KCNH1: variants seen among roughly 807,000 people sequenced by gnomAD.
KCNH1 encodes voltage-gated delayed rectifier potassium channel KCNH1.
KCNH1 carries 27 observed loss-of-function variants against 69.2 expected under a neutral mutation model. The observed-to-expected ratio is 0.39, with a 90% CI of 0.29 to 0.54. KCNH1 has a LOEUF of 0.54. Ranked by LOEUF, KCNH1 falls within the 20% of genes least tolerant of loss-of-function variation. The pLI is 0.68. For synonymous variants in KCNH1, 456 were observed against 487.7 expected (o/e 0.93, Z 0.86); for missense variants, 798 against 1,261.6 (o/e 0.63, Z 5.57).
intron 6 of KCNH1, among the ~76,000 whole-genome samples, chr1:211,015,981 G>T (rs1279051888): frequency 2.0e-5 from 3 of 152,180 alleles, no homozygotes; most frequent in African/African-American, 7.2e-5. Flanking sequence ...TATTATTTAT[G>T]ACCAACAGGT....
At position 210,922,397 on chromosome 1, in the gene KCNH1, A is replaced by AC. The variant is rs1267019030; in HGVS notation, c.1033-2329_1033-2328insG. ...AGACTCCGTCTCAAAAAAAAAAAAA[A>AC]AAAAAAAAAAAAAAAAAAAAAAAAC... On this transcript the variant is annotated intron_variant, in intron 6 of 10. Coordinates refer to ENST00000271751, the MANE Select transcript of KCNH1 (RefSeq NM_172362.3). Among the ~76,000 whole-genome samples, 14 of 17,308 alleles carry AC rather than the reference A, an allele frequency of 8.1e-4. 1 individual carries two copies. The highest frequency in any genetic ancestry group is 1.4e-3 in the African/African-American group (2 of 1,476). 11.4% of individuals were successfully genotyped at this position (17,308 alleles called of 152,430 possible).
intron 5 of KCNH1, among the ~76,000 whole-genome samples, chr1:211,029,440 TG>T (rs1218291937): frequency 6.0e-5 from 8 of 133,538 alleles, no homozygotes; most frequent in African/African-American, 1.1e-4. Flanking sequence ...AACAGGCTAA[TG>T]AAAAAAACAC....
At chr1:211,016,877 C>G (rs1023216947) in intron 6 of KCNH1, among the ~76,000 whole-genome samples, 1 of 128,464 alleles carries the variant, frequency 7.8e-6, no homozygotes, top group Non-Finnish European at 1.5e-5. Flanking sequence ...CCACGACATT[C>G]CAGCCTGGGT....
At chr1:210,890,783 G>C (rs1686732286) in intron 7 of KCNH1, among the ~76,000 whole-genome samples, 1 of 152,082 alleles carries the variant, frequency 6.6e-6, no homozygotes, top group Non-Finnish European at 1.5e-5. Context: ...ACAAACATAT[G>C]AAAGAAAAGT....
At chr1:210,866,795 G>T (rs1427351600) in intron 7 of KCNH1, among the ~76,000 whole-genome samples, 1 of 151,998 alleles carries the variant, frequency 6.6e-6, no homozygotes, top group Non-Finnish European at 1.5e-5. Context: ...ATGAAAACTT[G>T]TACATGAATG....
At chr1:210,965,219 C>T (rs1688376529) in intron 6 of KCNH1, among the ~76,000 whole-genome samples, 1 of 152,156 alleles carries the variant, frequency 6.6e-6, no homozygotes, top group Non-Finnish European at 1.5e-5. Context: ...TCCACCACTC[C>T]TATTCAACAT....
chr1:210,993,614 A>G lies in KCNH1; in HGVS notation c.1032+25169T>C, dbSNP rs577267755. Among the ~76,000 whole-genome samples, 8 of 152,368 alleles carry G rather than the reference A, an allele frequency of 5.3e-5. 1 individual carries two copies. The South Asian group carries it at 1.2e-3, about 24-fold the overall frequency. ...AATACATTTAACACTCATTCCCATGAAAAGTTTTAATACTCAAAACCGTTT... is the reference window on the plus strand; with the variant it reads ...AATACATTTAACACTCATTCCCATGGAAAGTTTTAATACTCAAAACCGTTT... On this transcript the variant is annotated intron_variant, in intron 6 of 10. Transcript: ENST00000271751.
At chr1:210,915,485 C>T (rs985376999) in intron 7 of KCNH1, among the ~76,000 whole-genome samples, 1 of 152,008 alleles carries the variant, frequency 6.6e-6, no homozygotes, top group African/African-American at 2.4e-5. Context: ...AAAATGAGTC[C>T]ACACACCATA....
chr1:210,981,204 C>T (rs528247933), intron 6 of KCNH1, among the ~76,000 whole-genome samples: 24 of 151,966 alleles, frequency 1.6e-4, no homozygotes, highest in Non-Finnish European at 2.5e-4. Context: ...GAAAAAGACA[C>T]GGAGTTTAAC....
At chr1:211,064,518 G>A (rs142738211) in intron 5 of KCNH1, among the ~76,000 whole-genome samples, 5 of 152,080 alleles carry the variant, frequency 3.3e-5, no homozygotes, top group East Asian at 3.9e-4. Context: ...CCAAGATTGC[G>A]CCACTGCACT....
intron 10 of KCNH1, among the ~76,000 whole-genome samples, chr1:210,718,689 C>CAT (rs1352257434): frequency 2.3e-5 from 2 of 86,840 alleles, no homozygotes; most frequent in African/African-American, 1.4e-4. Context: ...CACACACACA[C>CAT]ACATATATAT....
intron 10 of KCNH1, among the ~76,000 whole-genome samples, chr1:210,693,821 C>T (rs2226022): frequency 0.47 from 72,186 of 151,976 alleles, 18,021 homozygotes; most frequent in Middle Eastern, 0.64. Flanking sequence ...GCATTTGCAG[C>T]CTTGTGGGTA....
At chr1:211,047,673 G>A (rs1244889712) in intron 5 of KCNH1, among the ~76,000 whole-genome samples, 1 of 152,178 alleles carries the variant, frequency 6.6e-6, no homozygotes, top group Non-Finnish European at 1.5e-5. Context: ...AGATACAAGT[G>A]AGTGTGTGTG....
chr1:210,931,582 G>A (rs191129133), intron 6 of KCNH1, among the ~76,000 whole-genome samples: 1 of 152,008 alleles, frequency 6.6e-6, no homozygotes, highest in East Asian at 1.9e-4. Context: ...CTCTGGTGAT[G>A]GGTGCATCAA....
At chr1:211,014,812 A>G (rs924155395) in intron 6 of KCNH1, among the ~76,000 whole-genome samples, 1 of 152,188 alleles carries the variant, frequency 6.6e-6, no homozygotes, top group African/African-American at 2.4e-5. Context: ...ACACTCCCCC[A>G]GAGAAAGAAC....
At chr1:210,945,796 C>T (rs911001280) in intron 6 of KCNH1, among the ~76,000 whole-genome samples, 2 of 152,222 alleles carry the variant, frequency 1.3e-5, no homozygotes, top group Non-Finnish European at 2.9e-5. Flanking sequence ...CAATTGTCCT[C>T]ACTCATCTCA....
intron 6 of KCNH1, among the ~76,000 whole-genome samples, chr1:210,982,835 G>A (rs2102379642): frequency 6.6e-6 from 1 of 152,270 alleles, no homozygotes; most frequent in East Asian, 1.9e-4. Context: ...GATCCCTCAG[G>A]AATCACCACA....
chr1:210,730,397 G>A (rs992836496), intron 10 of KCNH1, among the ~76,000 whole-genome samples: 1 of 152,042 alleles, frequency 6.6e-6, no homozygotes, highest in Admixed American at 6.6e-5. Context: ...GACAGGGGAG[G>A]TTAAACAAAA....
At chr1:210,834,647 C>T (rs1200553326) in intron 7 of KCNH1, among the ~76,000 whole-genome samples, 4 of 148,016 alleles carry the variant, frequency 2.7e-5, no homozygotes, top group Admixed American at 6.8e-5. Context: ...AACTAACCTG[C>T]ACATTGTGCA....
Sources: allele counts gnomAD v4.1 joint callset (sites outside exome capture counted in the v4.1 genomes callset), GRCh38; gene constraint gnomAD v4.1.1; transcripts MANE v1.5; gene names NCBI Gene and HGNC (gene_info 2026-07-23, HGNC 2026-07-21).